LRRC28: variants seen among roughly 807,000 people sequenced by gnomAD.
LRRC28 encodes leucine rich repeat containing 28.
Under a neutral mutation model 45.7 loss-of-function variants are expected in LRRC28, and 39 were observed. The ratio of observed to expected loss-of-function variants is 0.85; its 90% CI spans 0.66 to 1.12. LRRC28 has a LOEUF of 1.12. Among genes scored for constraint, LRRC28 ranks in the 50% most tolerant of loss-of-function variants. The pLI is 0.00. For synonymous variants in LRRC28, 206 were observed against 178.8 expected (o/e 1.15, Z -1.22); for missense variants, 435 against 438.5 (o/e 0.99, Z 0.07).
rs1008511502 is a variant in LRRC28 at position 99,387,576 on chromosome 15, C to T, written c.*1474C>T. On this transcript the variant is annotated 3_prime_UTR_variant, in exon 10 of 10. Transcript: ENST00000301981. ...GAAAGTCTGTGAGCCTCCACCCTGC[C>T]AGAAAGAACTCTTCATGAAGAAGTC... 7 of 152,190 alleles carry T rather than the reference C, an allele frequency of 4.6e-5. No homozygotes were observed. The highest frequency in any genetic ancestry group is 1.7e-4 in the African/African-American group (7 of 41,440). 9.4% of individuals were successfully genotyped at this position (152,190 alleles called of 1,614,324 possible). A position where few individuals can be genotyped will look rare whatever the true frequency, so the allele number is the denominator to read the frequency against.
chr15:99,361,414 T>C lies in LRRC28; in HGVS notation c.774T>C (p.Ala258=), dbSNP rs1957197304. ...SSGQRTVFLP[A]EVKAIGTEHD... ...GGCAGCGAACCGTTTTCCTCCCAGC[T>C]GAGGTGAAGGCCATAGGGACGGAGC... The change falls in exon 8 of 10, where the codon GCT becomes GCC. Residue 258 remains alanine, a synonymous_variant. Transcript: ENST00000301981. 3 of 1,613,868 alleles carry C rather than the reference T, an allele frequency of 1.9e-6. No individual in the cohort carries two copies.
intron 2 of LRRC28, chr15:99,258,493 C>A (rs2081094188): frequency 1.3e-6 from 1 of 764,300 alleles, no homozygotes; most frequent in Non-Finnish European, 2.4e-6. Flanking sequence ...TGTTAAGGAG[C>A]CATGAAGGAA....
chr15:99,285,243 T>C (rs1410882352), intron 3 of LRRC28: 1 of 733,052 alleles, frequency 1.4e-6, no homozygotes, highest in East Asian at 2.5e-5. Flanking sequence ...GTGTCTTCTT[T>C]AATGTCATCA....
At chr15:99,325,047 T>G (rs772590431) in intron 5 of LRRC28, among the ~76,000 whole-genome samples, 2 of 152,220 alleles carry the variant, frequency 1.3e-5, no homozygotes, top group Admixed American at 6.5e-5. Flanking sequence ...ACCAGTGTTG[T>G]CTTCAAATCT....
rs1401413264 is a variant in LRRC28, at chr15:99,390,165, T to A, written c.*4063T>A. Reference sequence around the variant, plus strand: ...ACTGTGCCTACAGTGAGGAGCTACCTCCTTGTGTCATCAGCTAATAGATCT... The same window carrying A: ...ACTGTGCCTACAGTGAGGAGCTACCACCTTGTGTCATCAGCTAATAGATCT... On this transcript the variant is annotated 3_prime_UTR_variant, in exon 10 of 10. Coordinates refer to ENST00000301981, the MANE Select transcript of LRRC28 (RefSeq NM_144598.5). 1 of 152,212 alleles carries A rather than the reference T, an allele frequency of 6.6e-6. No individual in the cohort carries two copies. The highest frequency in any genetic ancestry group is 1.5e-5 in the Non-Finnish European group (1 of 68,056). 9.4% of individuals were successfully genotyped at this position (152,212 alleles called of 1,614,324 possible).
At chr15:99,285,705 A>C (rs1024557041) in intron 3 of LRRC28, 4 of 571,588 alleles carry the variant, frequency 7.0e-6, no homozygotes, top group South Asian at 5.6e-5. Context: ...GAAAAATTCT[A>C]ATCATAATAG....
chr15:99,334,589 T>C (rs749795190), intron 6 of LRRC28, among the ~76,000 whole-genome samples: 2 of 152,182 alleles, frequency 1.3e-5, no homozygotes, highest in Admixed American at 1.3e-4. Context: ...GACCTTAAAA[T>C]TGGCTGAACT....
At chr15:99,310,133 T>G (rs1285178792) in intron 5 of LRRC28, among the ~76,000 whole-genome samples, 1 of 152,232 alleles carries the variant, frequency 6.6e-6, no homozygotes, top group Non-Finnish European at 1.5e-5. Context: ...TGTATGAGTT[T>G]GTAATGGTGC....
chr15:99,361,885 A>G (rs1204568901), intron 8 of LRRC28, among the ~76,000 whole-genome samples: 1 of 152,236 alleles, frequency 6.6e-6, no homozygotes, highest in East Asian at 1.9e-4. Context: ...TGGTTGAAGT[A>G]AAAGGCTGGC....
chr15:99,334,697 T>C (rs774715029), intron 6 of LRRC28, among the ~76,000 whole-genome samples: 5 of 152,176 alleles, frequency 3.3e-5, no homozygotes, highest in Non-Finnish European at 7.3e-5. Context: ...TATGTCATAG[T>C]ACATAGGCCT....
At chr15:99,254,752 G>A (rs1189439621) in intron 1 of LRRC28, among the ~76,000 whole-genome samples, 1 of 152,234 alleles carries the variant, frequency 6.6e-6, no homozygotes, top group Non-Finnish European at 1.5e-5. Context: ...TGATGGTGAA[G>A]TTTGTTTTAG....
intron 5 of LRRC28, among the ~76,000 whole-genome samples, chr15:99,325,691 T>A (rs1299931675): frequency 2.0e-5 from 3 of 152,208 alleles, no homozygotes; most frequent in Non-Finnish European, 4.4e-5. Flanking sequence ...TTATTCTTAT[T>A]CCATGAACAT....
At position 99,287,806 on chromosome 15, in the gene LRRC28, C is replaced by G. The variant is rs1480055681; in HGVS notation, c.248-8C>G. ...AATTCATTTTGCCTTCTCCTTTTCT[C>G]TTTGAAGCCATTGGGTCTCTTGTAA... On this transcript the variant is annotated splice_region_variant and splice_polypyrimidine_tract_variant and intron_variant, in intron 4 of 9. Transcript: ENST00000301981. 2 of 1,595,882 alleles carry G rather than the reference C, an allele frequency of 1.3e-6. No individual in the cohort carries two copies. Among genetic ancestry groups the G allele is most frequent in the East Asian group, 4.5e-5 (2 of 44,256 alleles).
intron 6 of LRRC28, among the ~76,000 whole-genome samples, chr15:99,344,322 G>A (rs1270538518): frequency 1.3e-5 from 2 of 151,910 alleles, no homozygotes; most frequent in African/African-American, 2.4e-5. Flanking sequence ...TAGTAAGTGA[G>A]GAAGCAGGAT....
At chr15:99,267,701 T>C (rs1317360745) in intron 2 of LRRC28, among the ~76,000 whole-genome samples, 1 of 152,270 alleles carries the variant, frequency 6.6e-6, no homozygotes, top group Non-Finnish European at 1.5e-5. Flanking sequence ...ATTGCACATT[T>C]ATCCTGTCTT....
rs376150844 is a variant in LRRC28 at position 99,320,086 on chromosome 15, C to T, written c.386-13837C>T. On this transcript the variant is annotated intron_variant, in intron 5 of 9. Coordinates refer to ENST00000301981, the MANE Select transcript of LRRC28 (RefSeq NM_144598.5). ...CTTCCTGAAGTGCTGGGATTACAGG[C>T]GTGAGCCACCGTGCCCAGCCGGGAG... Among the ~76,000 whole-genome samples the T allele has an allele frequency of 3.9e-5, 6 of 152,210 alleles. No individual in the cohort carries two copies. The South Asian group carries it at 6.2e-4, about 16-fold the overall frequency.
intron 2 of LRRC28, among the ~76,000 whole-genome samples, chr15:99,264,557 T>C (rs571088721): frequency 6.6e-6 from 1 of 152,202 alleles, no homozygotes; most frequent in Admixed American, 6.5e-5. Flanking sequence ...GGAGCAGCTC[T>C]TCTTTTGTTT....
chr15:99,381,726 C>T (rs1479186487), intron 9 of LRRC28, among the ~76,000 whole-genome samples: 2 of 152,278 alleles, frequency 1.3e-5, no homozygotes, highest in Admixed American at 6.5e-5. Flanking sequence ...GATGTCCTTT[C>T]TGTTTGTTAG....
chr15:99,298,041 C>T (rs1470280936), intron 5 of LRRC28, among the ~76,000 whole-genome samples: 1 of 151,178 alleles, frequency 6.6e-6, no homozygotes, highest in Non-Finnish European at 1.5e-5. Flanking sequence ...TTCATTGCTA[C>T]AATACTTTTA....
Sources: gnomAD v4.1 joint callset for allele counts (sites outside exome capture counted in the v4.1 genomes callset) on GRCh38, gnomAD v4.1.1 for gene constraint, MANE v1.5 for transcripts, NCBI Gene and HGNC (gene_info 2026-07-23, HGNC 2026-07-21) for gene names.